The following FSTL5 variants were observed in gnomAD, a reference collection of about 807,000 sequenced individuals.
FSTL5 encodes follistatin-related protein 5.
A neutral mutation model predicts 89.1 loss-of-function variants in FSTL5; 62 were observed. That is an observed-to-expected ratio of 0.70 (90% confidence interval 0.57 to 0.86). The LOEUF (loss-of-function observed/expected upper bound fraction) is 0.86, where lower values mean the gene tolerates loss of function less well. Among genes scored for constraint, FSTL5 ranks in the 40% least tolerant of loss-of-function variants. The pLI, the probability that FSTL5 is intolerant of heterozygous loss-of-function variation, is 0.00. For synonymous variants in FSTL5, 383 were observed against 346.2 expected (o/e 1.11, Z -1.18); for missense variants, 1,057 against 1,001.6 (o/e 1.06, Z -0.75).
chr4:161,633,051 C>A (rs189687631), intron 7 of FSTL5, among the ~76,000 whole-genome samples: 5 of 151,956 alleles, frequency 3.3e-5, no homozygotes, highest in African/African-American at 9.6e-5. Context: ...ATGATTGTTT[C>A]TTTTGCTAAC....
At chr4:161,928,176 T>A (rs753338684) in intron 3 of FSTL5, among the ~76,000 whole-genome samples, 2 of 149,846 alleles carry the variant, frequency 1.3e-5, no homozygotes, top group Non-Finnish European at 3.0e-5. Context: ...GCTTTTATCA[T>A]GGACTTATTT....
chr4:161,759,677 A>T (rs1740714852), intron 5 of FSTL5, 146 bp from the exon 6 acceptor site: 1 of 427,682 alleles, frequency 2.3e-6, no homozygotes, highest in Non-Finnish European at 4.0e-6. Context: ...CCAGGTTTTT[A>T]GTTACTGAAC....
intron 4 of FSTL5, among the ~76,000 whole-genome samples, chr4:161,899,509 T>A (rs939495157): frequency 3.9e-5 from 6 of 152,238 alleles, no homozygotes; most frequent in African/African-American, 1.4e-4. Flanking sequence ...GGCCTACAGT[T>A]CTTCTGCCAA....
chr4:161,635,510 T>C (rs1735657917), intron 7 of FSTL5, among the ~76,000 whole-genome samples: 1 of 151,200 alleles, frequency 6.6e-6, no homozygotes, highest in African/African-American at 2.4e-5. Flanking sequence ...AAAAAATCCA[T>C]CTAGCAAATC....
chr4:161,437,361 T>C (rs1354188349), intron 15 of FSTL5, among the ~76,000 whole-genome samples: 1 of 151,772 alleles, frequency 6.6e-6, no homozygotes, highest in Non-Finnish European at 1.5e-5. Context: ...GGTCAGGAGA[T>C]CGAGACCATC....
intron 15 of FSTL5, among the ~76,000 whole-genome samples, chr4:161,426,463 C>T (rs984798915): frequency 6.6e-6 from 1 of 152,176 alleles, no homozygotes; most frequent in Admixed American, 6.5e-5. Flanking sequence ...GAATTTTAAA[C>T]AAAAGACAGA....
At chr4:161,976,184 T>G (rs1735640788) in intron 3 of FSTL5, among the ~76,000 whole-genome samples, 1 of 150,610 alleles carries the variant, frequency 6.6e-6, no homozygotes, top group Non-Finnish European at 1.5e-5. Flanking sequence ...TCATCTCAAG[T>G]GGGAAACTTA....
intron 6 of FSTL5, among the ~76,000 whole-genome samples, chr4:161,700,652 C>G (rs1421026857): frequency 6.6e-6 from 1 of 152,106 alleles, no homozygotes; most frequent in Admixed American, 6.6e-5. Context: ...GCTGGGATTA[C>G]AGGCATGAGC....
intron 3 of FSTL5, among the ~76,000 whole-genome samples, chr4:161,935,354 C>CCTTT (rs776300577): frequency 3.3e-4 from 50 of 152,092 alleles, no homozygotes; most frequent in Admixed American, 9.2e-4. Flanking sequence ...AGAATCTTTG[C>CCTTT]CTTTCCTCAA....
chr4:161,894,086 A>C (rs1377173732), intron 4 of FSTL5, among the ~76,000 whole-genome samples: 1 of 152,184 alleles, frequency 6.6e-6, no homozygotes, highest in Non-Finnish European at 1.5e-5. Flanking sequence ...CTCATTTTAG[A>C]ATTTTAAATG....
At chr4:161,771,335 A>C (rs1741203297) in intron 5 of FSTL5, among the ~76,000 whole-genome samples, 1 of 152,106 alleles carries the variant, frequency 6.6e-6, no homozygotes, top group Non-Finnish European at 1.5e-5. Context: ...CAATGTTTCC[A>C]ATAAGCTTGC....
intron 6 of FSTL5, among the ~76,000 whole-genome samples, chr4:161,683,532 GA>G (rs1411551944): frequency 1.3e-5 from 2 of 150,746 alleles, no homozygotes; most frequent in East Asian, 1.9e-4. Context: ...TAATACTTGA[GA>G]AAAAAACAAA....
intron 15 of FSTL5, among the ~76,000 whole-genome samples, chr4:161,390,379 T>C (rs138598238): frequency 5.9e-5 from 9 of 152,234 alleles, no homozygotes; most frequent in African/African-American, 2.2e-4. Context: ...GTAAGGGAAG[T>C]TATTTGGCCG....
At chr4:161,447,912 T>C (rs907950360) in intron 15 of FSTL5, among the ~76,000 whole-genome samples, 12 of 152,120 alleles carry the variant, frequency 7.9e-5, no homozygotes, top group African/African-American at 2.4e-5. Flanking sequence ...TTTATGAATA[T>C]CTTCTGTTTT....
At chr4:161,498,506 T>C (rs1015074061) in intron 12 of FSTL5, among the ~76,000 whole-genome samples, 3 of 152,126 alleles carry the variant, frequency 2.0e-5, no homozygotes, top group Admixed American at 2.0e-4. Context: ...CAAATCAGAT[T>C]CCTGAAGTGA....
intron 2 of FSTL5, chr4:162,043,184 A>G (rs1256541594): frequency 6.6e-6 from 1 of 152,184 alleles, no homozygotes; most frequent in Non-Finnish European, 1.5e-5. Context: ...TTCTTACAGC[A>G]TTATTGTTTT....
intron 4 of FSTL5, among the ~76,000 whole-genome samples, chr4:161,844,182 T>C (rs1200479459): frequency 2.6e-5 from 4 of 151,972 alleles, no homozygotes; most frequent in African/African-American, 7.2e-5. Context: ...CCAATAAACA[T>C]ATGAAAAAAG....
chr4:161,476,525 G>A (rs1412787931), intron 13 of FSTL5, among the ~76,000 whole-genome samples: 1 of 152,038 alleles, frequency 6.6e-6, no homozygotes, highest in South Asian at 2.1e-4. Flanking sequence ...TTTTGCTTTT[G>A]TTTATTATTG....
chr4:161,642,318 C>T (rs1735992769), intron 7 of FSTL5, among the ~76,000 whole-genome samples: 1 of 152,030 alleles, frequency 6.6e-6, no homozygotes, highest in South Asian at 2.1e-4. Flanking sequence ...ACTTATCTTG[C>T]CTAAGTAAAA....
Sources: allele counts gnomAD v4.1 joint callset (sites outside exome capture counted in the v4.1 genomes callset), GRCh38; gene constraint gnomAD v4.1.1; transcripts MANE v1.5; gene names NCBI Gene and HGNC (gene_info 2026-07-23, HGNC 2026-07-21).